CTTNBP2: variants seen among roughly 807,000 people sequenced by gnomAD.
CTTNBP2 encodes the protein cortactin-binding protein 2.
CTTNBP2 carries 108 observed loss-of-function variants against 156.9 expected under a neutral mutation model. The observed-to-expected ratio is 0.69, with a 90% confidence interval of 0.59 to 0.81. The LOEUF is 0.81. Ranked by LOEUF, CTTNBP2 falls within the 30% of genes least tolerant of loss-of-function variation. CTTNBP2 has a pLI of 0.00. For missense variants in CTTNBP2, 1,924 were observed against 2,035.4 expected, an observed-to-expected ratio of 0.95 and a Z score of 1.05; for synonymous variants, 767 against 751.8, an observed-to-expected ratio of 1.02 and a Z score of -0.33.
rs990352791 is a variant in CTTNBP2 at position 117,736,257 on chromosome 7, C to T, written c.3536-836G>A. On this transcript the variant is annotated intron_variant, in intron 14 of 22. Coordinates refer to ENST00000160373, the MANE Select transcript of CTTNBP2 (RefSeq NM_033427.3). ...ATCACTTGAGCCCAGGAGTTCGAGG[C>T]CAGCCTGGGCAACATGGTGAAACCC... Among the ~76,000 whole-genome samples, 6 of 152,186 alleles carry T rather than the reference C, an allele frequency of 3.9e-5. No homozygotes were observed. In the East Asian group the frequency reaches 1.2e-3, roughly 29 times the overall value.
rs1435592319 is a variant in CTTNBP2 at position 117,711,050 on chromosome 7, T to C, written c.*487A>G. 1 of 152,950 alleles carries C rather than the reference T, an allele frequency of 6.5e-6. No homozygotes were observed. The highest frequency in any genetic ancestry group is 1.5e-5 in the Non-Finnish European group (1 of 68,274). The allele number at this position is 152,950 out of a possible 1,614,324, so 9.5% of individuals were successfully genotyped here. On this transcript the variant is annotated 3_prime_UTR_variant, in exon 23 of 23. Coordinates refer to ENST00000160373, the MANE Select transcript of CTTNBP2 (RefSeq NM_033427.3). ...ATAACTGTTTAGAAATGATTTGTTA[T>C]TGCCCCATTCTAGTCATTCCCCATC...
At chr7:117,849,520 A>G (rs1802806913) in intron 2 of CTTNBP2, among the ~76,000 whole-genome samples, 1 of 152,158 alleles carries the variant, frequency 6.6e-6, no homozygotes, top group Admixed American at 6.5e-5. Flanking sequence ...TACCAGGCTA[A>G]GCACATAAAT....
In CTTNBP2 at chr7:117,791,509, G is replaced by A; in HGVS notation, c.1687C>T (p.Leu563Phe). 1 of 1,614,236 alleles carries A rather than the reference G, an allele frequency of 6.2e-7. No individual in the cohort carries two copies. Among genetic ancestry groups the A allele is most frequent in the Non-Finnish European group, 8.5e-7 (1 of 1,180,050 alleles). The part of the protein sequence containing the change: ...SQTPSPPHPQ[L>F]KVIIDSSRAS... The stretch of plus-strand genomic sequence containing the variant: ...CTGCTGCTGTCTATAATAACCTTGA[G>A]TTGGGGGTGTGGTGGAGAAGGAGTT... The change falls in exon 4 of 23, where the codon CTC (leucine) becomes TTC (phenylalanine). Residue 563 changes from leucine (L) to phenylalanine (F), a missense_variant. Transcript: ENST00000160373.
Position 117,845,996 on chromosome 7 carries a change from G to A in CTTNBP2, c.189+15213C>T, listed in dbSNP as rs538649459. Among the ~76,000 whole-genome samples the A allele has an allele frequency of 4.0e-4, 61 of 152,066 alleles. No individual in the cohort carries two copies. In the South Asian group the frequency reaches 5.6e-3, roughly 14 times the overall value. On this transcript the variant is annotated intron_variant, in intron 2 of 22. Transcript: ENST00000160373. ...CTCCCGAGTAGGTGGGACTACAGGC[G>A]CCTGCCACCACGCCCGGCTAATTTT...
intron 19 of CTTNBP2, among the ~76,000 whole-genome samples, chr7:117,722,010 AT>A (rs1456592557): frequency 1.3e-5 from 2 of 152,250 alleles, no homozygotes; most frequent in Admixed American, 1.3e-4. Context: ...ATATATCCTC[AT>A]TAAAAGCAGA....
chr7:117,714,022 G>C (rs954860457), intron 22 of CTTNBP2: 12 of 152,228 alleles, frequency 7.9e-5, no homozygotes, highest in Non-Finnish European at 1.6e-4. Context: ...GATGGGCTCG[G>C]TTTTAACTAC....
intron 18 of CTTNBP2, 25 bp from the exon 19 acceptor site, chr7:117,724,757 G>T: frequency 6.2e-7 from 1 of 1,609,616 alleles, no homozygotes; most frequent in Non-Finnish European, 8.5e-7. Flanking sequence ...ATCACAGCAG[G>T]GATAATGCAG....
chr7:117,733,020 T>A (rs942034046), intron 16 of CTTNBP2, among the ~76,000 whole-genome samples: 3 of 152,180 alleles, frequency 2.0e-5, no homozygotes, highest in Admixed American at 1.3e-4. Context: ...CTAAAAAGGG[T>A]ATAATTGTTT....
chr7:117,724,175 T>G (rs1180012407), intron 19 of CTTNBP2, among the ~76,000 whole-genome samples: 2 of 152,104 alleles, frequency 1.3e-5, no homozygotes, highest in Non-Finnish European at 2.9e-5. Flanking sequence ...TCTACACATA[T>G]TTTTTTAATG....
chr7:117,798,599 C>A (rs1263073543), intron 3 of CTTNBP2, among the ~76,000 whole-genome samples: 3 of 152,066 alleles, frequency 2.0e-5, no homozygotes, highest in Non-Finnish European at 4.4e-5. Flanking sequence ...CTAAAAGCAG[C>A]TAAGGCCGAT....
intron 12 of CTTNBP2, among the ~76,000 whole-genome samples, chr7:117,747,482 T>C (rs1487130728): frequency 6.6e-6 from 1 of 152,156 alleles, no homozygotes; most frequent in Non-Finnish European, 1.5e-5. Context: ...CTTTAAGACT[T>C]GAGCTTTGGG....
chr7:117,775,708 C>A (rs191212780), intron 8 of CTTNBP2, among the ~76,000 whole-genome samples: 1 of 151,926 alleles, frequency 6.6e-6, no homozygotes, highest in Non-Finnish European at 1.5e-5. Context: ...CCTTTCCATG[C>A]ACCTCTACAA....
chr7:117,743,498 T>C (rs1796129255), intron 14 of CTTNBP2, among the ~76,000 whole-genome samples: 1 of 152,084 alleles, frequency 6.6e-6, no homozygotes, highest in African/African-American at 2.4e-5. Flanking sequence ...AGTGTTTTCA[T>C]GTTTATAAAT....
chr7:117,779,752 CA>C (rs1798304622), intron 7 of CTTNBP2, among the ~76,000 whole-genome samples: 1 of 150,326 alleles, frequency 6.7e-6, no homozygotes, highest in Non-Finnish European at 1.5e-5. Flanking sequence ...ATATAAAATA[CA>C]TATGTATATG....
intron 19 of CTTNBP2, among the ~76,000 whole-genome samples, chr7:117,723,507 C>A (rs1037223705): frequency 2.6e-5 from 4 of 152,110 alleles, no homozygotes; most frequent in African/African-American, 9.7e-5. Flanking sequence ...GTCCACAGTG[C>A]ACATGAGGTG....
chr7:117,859,693 T>C (rs1283628373), intron 2 of CTTNBP2, among the ~76,000 whole-genome samples: 2 of 152,220 alleles, frequency 1.3e-5, no homozygotes, highest in Non-Finnish European at 2.9e-5. Flanking sequence ...TTGCCAGCAA[T>C]ACAGATGTTC....
intron 4 of CTTNBP2, among the ~76,000 whole-genome samples, chr7:117,787,593 T>C (rs1192049381): frequency 6.6e-6 from 1 of 152,234 alleles, no homozygotes; most frequent in Admixed American, 6.5e-5. Context: ...GGAAACTCAG[T>C]TGCCTGGAGT....
chr7:117,719,858 C>CTTCA (rs1794682751), intron 20 of CTTNBP2, among the ~76,000 whole-genome samples: 1 of 152,156 alleles, frequency 6.6e-6, no homozygotes, highest in Non-Finnish European at 1.5e-5. Flanking sequence ...TCACAAAGAA[C>CTTCA]TTCACTTTGA....
At chr7:117,755,686 A>G (rs1311643399) in intron 12 of CTTNBP2, 2 of 373,742 alleles carry the variant, frequency 5.4e-6, no homozygotes, top group Non-Finnish European at 1.0e-5. Flanking sequence ...ATGAATGCAA[A>G]GCATTACATT....
Sources: gnomAD v4.1 joint callset for allele counts (sites outside exome capture counted in the v4.1 genomes callset) on GRCh38, gnomAD v4.1.1 for gene constraint, MANE v1.5 for transcripts, NCBI Gene and HGNC (gene_info 2026-07-23, HGNC 2026-07-21) for gene names.